MAP3K4: variants seen among roughly 807,000 people sequenced by gnomAD.
MAP3K4 encodes MAP three kinase 1.
A neutral mutation model predicts 185.6 loss-of-function variants in MAP3K4; 67 were observed. The observed-to-expected ratio is 0.36, with a 90% confidence interval of 0.30 to 0.44. MAP3K4 has a LOEUF of 0.44. Ranked by LOEUF, MAP3K4 falls within the 20% of genes least tolerant of loss-of-function variation. The pLI, the probability that MAP3K4 is intolerant of heterozygous loss-of-function variation, is 1.00. For synonymous variants in MAP3K4, 702 were observed against 710.4 expected (o/e 0.99, Z 0.19); for missense variants, 1,551 against 1,995.1 (o/e 0.78, Z 4.24).
At chr6:161,013,475 A>G (rs546717856) in intron 1 of MAP3K4, among the ~76,000 whole-genome samples, 2 of 152,310 alleles carry the variant, frequency 1.3e-5, no homozygotes, top group African/African-American at 4.8e-5. Context: ...CATTTCTTTA[A>G]TGCTAGAAAC....
intron 1 of MAP3K4, among the ~76,000 whole-genome samples, chr6:161,027,490 A>G (rs1027770268): frequency 5.3e-5 from 8 of 152,234 alleles, no homozygotes; most frequent in Non-Finnish European, 1.2e-4. Flanking sequence ...CTTAGGAAGA[A>G]AAATCATGAA....
chr6:161,109,701 G>C lies in MAP3K4; in HGVS notation c.4237-54G>C. The C allele has an allele frequency of 6.3e-7, 1 of 1,595,400 alleles. No homozygotes were observed. The highest frequency in any genetic ancestry group is 8.6e-7 in the Non-Finnish European group (1 of 1,164,480). On this transcript the variant is annotated intron_variant, in intron 22 of 26. Coordinates refer to ENST00000392142, the MANE Select transcript of MAP3K4 (RefSeq NM_005922.4). The surrounding 1 kb of genome is among the most constrained non-coding windows in gnomAD (Gnocchi z 5.7). ...AGGAAGTTTTCCAGATTTTTCACTAGCGTACATCTAAGGAAAACCGTAAAC... is the reference window on the plus strand; with the variant it reads ...AGGAAGTTTTCCAGATTTTTCACTACCGTACATCTAAGGAAAACCGTAAAC...
rs753262167 is a variant in MAP3K4 at position 161,073,473 on chromosome 6, G to C, written c.1958G>C (p.Arg653Thr). ...GTGTGTGTTGTTTTGCAGCTGGTGA[G>C]AGAGTGTAAGGAGGTCCTGAAGGGC... ...PSLLSIKQLVRECKEVLKGGL... is the reference protein window; with the variant it reads ...PSLLSIKQLVTECKEVLKGGL... The change falls in exon 5 of 27, where the codon AGA becomes ACA. Residue 653 changes from arginine (R) to threonine (T), a missense_variant. This residue lies in a region of MAP3K4 where 27 missense variants were observed against 64.4 expected (regional missense o/e 0.42). Transcript: ENST00000392142. The surrounding 1 kb of genome is among the most constrained non-coding windows in gnomAD (Gnocchi z 4.2). 8.7e-6 allele frequency: 14 copies of C among 1,600,308 alleles called. No homozygotes were observed. Among genetic ancestry groups the C allele is most frequent in the Non-Finnish European group, 1.2e-5 (14 of 1,173,386 alleles).
At chr6:161,047,529 A>G (rs1028707797) in intron 2 of MAP3K4, among the ~76,000 whole-genome samples, 5 of 152,206 alleles carry the variant, frequency 3.3e-5, no homozygotes, top group Non-Finnish European at 5.9e-5. Context: ...CCTAGATTCA[A>G]TGAAATAAAC....
rs546431134 is a variant in MAP3K4 at position 161,054,429 on chromosome 6, A to T, written c.1707+4450A>T. On this transcript the variant is annotated intron_variant, in intron 3 of 26. Transcript: ENST00000392142. This position sits in a 1 kb window ranked among gnomAD's most constrained non-coding sequence, Gnocchi z 4.2. ...CTTGGCCTCCCAAAGTGCTGGGATG[A>T]TAGGTGTGAGCCACCGCGCCCGGCC... Among the ~76,000 whole-genome samples the T allele has an allele frequency of 3.7e-4, 57 of 152,334 alleles. No individual in the cohort carries two copies. Among genetic ancestry groups the T allele is most frequent in the African/African-American group, 1.3e-3 (52 of 41,578 alleles).
Position 161,022,212 on chromosome 6 carries a change from G to A in MAP3K4, c.153-12047G>A, listed in dbSNP as rs992282868. On this transcript the variant is annotated intron_variant, in intron 1 of 26. Coordinates refer to ENST00000392142, the MANE Select transcript of MAP3K4 (RefSeq NM_005922.4). The surrounding 1 kb of genome is among the most constrained non-coding windows in gnomAD (Gnocchi z 4.2). ...CATTGACCTTCCTGGAACGCAGAGT[G>A]TAATCCCTGCATTTGGTACGGAAGA... 6.6e-6 allele frequency: 1 copy of A among 152,198 alleles called. No homozygotes were observed. The highest frequency in any genetic ancestry group is 1.9e-4 in the East Asian group (1 of 5,194). 9.4% of individuals were successfully genotyped at this position (152,198 alleles called of 1,614,324 possible).
At position 161,042,074 on chromosome 6, in the gene MAP3K4, A is replaced by C. The variant is rs1161779368; in HGVS notation, c.344-6542A>C. Reference sequence around the variant, plus strand: ...CCACAAGTTTCAGGCCTTCTTTTAAAGGGCTTTTATGTGATTAAGTCAGGC... The same window carrying C: ...CCACAAGTTTCAGGCCTTCTTTTAACGGGCTTTTATGTGATTAAGTCAGGC... On this transcript the variant is annotated intron_variant, in intron 2 of 26. Coordinates refer to ENST00000392142, the MANE Select transcript of MAP3K4 (RefSeq NM_005922.4). Among the ~76,000 whole-genome samples the C allele has an allele frequency of 2.0e-5, 3 of 151,784 alleles. No individual in the cohort carries two copies. The South Asian group carries it at 6.2e-4, about 32-fold the overall frequency.
chr6:161,034,319 C>T lies in MAP3K4; in HGVS notation c.213C>T (p.Phe71=). Residue 71 remains phenylalanine, a synonymous_variant, in exon 2 of 27, where the codon TTC becomes TTT. Coordinates refer to ENST00000392142, the MANE Select transcript of MAP3K4 (RefSeq NM_005922.4). The surrounding 1 kb of genome is among the most constrained non-coding windows in gnomAD (Gnocchi z 4.4). ...CKSPESDLED[F]SDETNTENLY... ...GTCCTGAATCTGATCTAGAAGACTTCTCCGATGAAACAAATACAGAGAATC... is the reference window on the plus strand; with the variant it reads ...GTCCTGAATCTGATCTAGAAGACTTTTCCGATGAAACAAATACAGAGAATC... 1.2e-6 allele frequency: 2 copies of T among 1,614,034 alleles called. No homozygotes were observed. Among genetic ancestry groups the T allele is most frequent in the South Asian group, 1.1e-5 (1 of 91,080 alleles).
At position 161,088,342 on chromosome 6, in the gene MAP3K4, A is replaced by G. The variant is rs1019656304; in HGVS notation, c.2823+388A>G. Among the ~76,000 whole-genome samples, 10 of 152,324 alleles carry G rather than the reference A, an allele frequency of 6.6e-5. No individual in the cohort carries two copies. Among genetic ancestry groups the G allele is most frequent in the Admixed American group, 2.6e-4 (4 of 15,304 alleles). On this transcript the variant is annotated intron_variant, in intron 10 of 26. Coordinates refer to ENST00000392142, the MANE Select transcript of MAP3K4 (RefSeq NM_005922.4). The surrounding 1 kb of genome is among the most constrained non-coding windows in gnomAD (Gnocchi z 4.5). ...ATTTTAATTTTTTGTAGTGAAGGCTATCCCCTCCCTACCTAACAGGGACCT... is the reference window on the plus strand; with the variant it reads ...ATTTTAATTTTTTGTAGTGAAGGCTGTCCCCTCCCTACCTAACAGGGACCT...
At chr6:161,068,175 A>G (rs1784788095) in intron 3 of MAP3K4, among the ~76,000 whole-genome samples, 1 of 152,220 alleles carries the variant, frequency 6.6e-6, no homozygotes, top group Non-Finnish European at 1.5e-5. Context: ...TGATGGTCTA[A>G]TGGGTAAATA....
In MAP3K4 at chr6:161,053,781, C is replaced by T. The variant is rs530868659; in HGVS notation, c.1707+3802C>T. 8.6e-5 allele frequency among the ~76,000 whole-genome samples: 13 copies of T among 151,780 alleles called. No homozygotes were observed. The highest frequency in any genetic ancestry group is 1.0e-4 in the Non-Finnish European group (7 of 67,888). On this transcript the variant is annotated intron_variant, in intron 3 of 26. Transcript: ENST00000392142. This position sits in a 1 kb window ranked among gnomAD's most constrained non-coding sequence, Gnocchi z 4.2. Reference sequence around the variant, plus strand: ...TAATTTTTTGTGTTTTTAATAGAGACGGGGGTTTCACCATGTTGGCCAGGC... The same window carrying T: ...TAATTTTTTGTGTTTTTAATAGAGATGGGGGTTTCACCATGTTGGCCAGGC...
chr6:161,000,800 T>C (rs970199769), intron 1 of MAP3K4, among the ~76,000 whole-genome samples: 7 of 146,214 alleles, frequency 4.8e-5, no homozygotes, highest in Admixed American at 3.3e-4. Flanking sequence ...CACACATGTG[T>C]ACACCCATAT....
rs1468896814 is a variant in MAP3K4 at position 161,063,805 on chromosome 6, CTG to C, written c.1708-6800_1708-6799del. On this transcript the variant is annotated intron_variant, in intron 3 of 26. Transcript: ENST00000392142. This position sits in a 1 kb window ranked among gnomAD's most constrained non-coding sequence, Gnocchi z 5.4. ...ATTTCACAGAAGTTCTCTGTAGACTCTGTGAGCTTTTCATAGAGCACTCATCA... is the reference window on the plus strand; with the variant it reads ...ATTTCACAGAAGTTCTCTGTAGACTCTGAGCTTTTCATAGAGCACTCATCA... Among the ~76,000 whole-genome samples, 1 of 152,192 alleles carries C rather than the reference CTG, an allele frequency of 6.6e-6. No individual in the cohort carries two copies. The highest frequency in any genetic ancestry group is 1.5e-5 in the Non-Finnish European group (1 of 68,042).
Position 161,070,225 on chromosome 6 carries a change from C to T in MAP3K4, c.1708-383C>T, listed in dbSNP as rs1784876312. Reference sequence around the variant, plus strand: ...AATGTTTTCTCTAATTTCAGTAATTCTCTGGTTTTTTTCCCAGTCTAGAGA... The same window carrying T: ...AATGTTTTCTCTAATTTCAGTAATTTTCTGGTTTTTTTCCCAGTCTAGAGA... On this transcript the variant is annotated intron_variant, in intron 3 of 26. Coordinates refer to ENST00000392142, the MANE Select transcript of MAP3K4 (RefSeq NM_005922.4). The surrounding 1 kb of genome is among the most constrained non-coding windows in gnomAD (Gnocchi z 4.5). Among the ~76,000 whole-genome samples the T allele has an allele frequency of 1.3e-5, 2 of 151,424 alleles. No individual in the cohort carries two copies. Among genetic ancestry groups the T allele is most frequent in the Non-Finnish European group, 3.0e-5 (2 of 67,758 alleles).
At position 161,101,695 on chromosome 6, in the gene MAP3K4, G is replaced by A. The variant is rs958268973; in HGVS notation, c.3675-197G>A. The A allele has an allele frequency of 2.2e-5, 12 of 547,230 alleles. No individual in the cohort carries two copies. In the South Asian group the frequency reaches 2.4e-4, roughly 11 times the overall value. The allele number at this position is 547,230 out of a possible 1,614,324, so 33.9% of individuals were successfully genotyped here. On this transcript the variant is annotated intron_variant, in intron 17 of 26. Coordinates refer to ENST00000392142, the MANE Select transcript of MAP3K4 (RefSeq NM_005922.4). The surrounding 1 kb of genome is among the most constrained non-coding windows in gnomAD (Gnocchi z 5.1). ...TTAGGGGGCTGATTCTGGTGGGTCT[G>A]TCCTGTGCGTTTTCCGCTGCCCACT...
chr6:161,104,890 A>G (rs980520762), intron 19 of MAP3K4, among the ~76,000 whole-genome samples: 1 of 152,158 alleles, frequency 6.6e-6, no homozygotes, highest in African/African-American at 2.4e-5. Flanking sequence ...AAATGAGTGT[A>G]ATAAGAAATT....
At chr6:160,992,171 C>T (rs1011459198) in intron 1 of MAP3K4, 88 bp downstream of exon 1, 1 of 1,408,804 alleles carries the variant, frequency 7.1e-7, no homozygotes, top group Non-Finnish European at 9.2e-7. Context: ...CTCTGCTTCC[C>T]GCCAGGTGGG....
At chr6:160,997,760 A>G (rs1409777663) in intron 1 of MAP3K4, among the ~76,000 whole-genome samples, 1 of 152,196 alleles carries the variant, frequency 6.6e-6, no homozygotes, top group Non-Finnish European at 1.5e-5. Flanking sequence ...ACTACATGGT[A>G]CATATTGGAG....
intron 1 of MAP3K4, among the ~76,000 whole-genome samples, chr6:161,013,006 A>G (rs1171338893): frequency 6.6e-6 from 1 of 152,212 alleles, no homozygotes; most frequent in African/African-American, 2.4e-5. Context: ...ACATACCACA[A>G]GCTTTTCTGG....
Sources: gnomAD v4.1 joint callset for allele counts (sites outside exome capture counted in the v4.1 genomes callset) on GRCh38, gnomAD v4.1.1 for gene constraint, gnomAD v4.1.1 regional missense constraint, Gnocchi (gnomAD v3.1) non-coding constraint, MANE v1.5 for transcripts, NCBI Gene and HGNC (gene_info 2026-07-23, HGNC 2026-07-21) for gene names.